The following TENM1 variants were observed in gnomAD, a reference collection of about 807,000 sequenced individuals.
TENM1 encodes the protein teneurin-1.
Under a neutral mutation model 174.8 loss-of-function variants are expected in TENM1, and 35 were observed. The observed-to-expected ratio is 0.20, with a 90% CI of 0.15 to 0.27. The LOEUF (loss-of-function observed/expected upper bound fraction) is 0.27. Ranked by LOEUF, TENM1 falls within the 10% of genes least tolerant of loss-of-function variation. TENM1 has a pLI of 1.00. For synonymous variants in TENM1, 781 were observed against 798.7 expected, an observed-to-expected ratio of 0.98 and a Z score of 0.37; for missense variants, 1,633 against 2,130.1, an observed-to-expected ratio of 0.77 and a Z score of 4.59.
At chrX:124,380,757 G>C (rs751406733) in exon 32 of TENM1, 1 of 1,211,003 alleles carries the variant, frequency 8.3e-7, no homozygotes, top group Non-Finnish European at 1.1e-6. Flanking sequence ...GCCACTGCGC[G>C]CTGTCTGGCA....
the TENM1 span, among the ~76,000 whole-genome samples, chrX:125,159,725 G>A: frequency 8.9e-6 from 1 of 111,836 alleles, no homozygotes; most frequent in Non-Finnish European, 1.9e-5. Context: ...ACCAGACTCT[G>A]TTATTGGTCT....
chrX:124,979,948 A>G, the TENM1 span, among the ~76,000 whole-genome samples: 15 of 112,191 alleles, frequency 1.3e-4, no homozygotes, highest in African/African-American at 4.5e-4. Context: ...ATATCTAAAG[A>G]TATTAAAGAT....
At chrX:124,960,855 T>C (rs780956241) in intron 1 of TENM1, among the ~76,000 whole-genome samples, 12 of 112,011 alleles carry the variant, frequency 1.1e-4, no homozygotes, top group African/African-American at 2.9e-4. Context: ...AACATTTCCA[T>C]AGGAAATAAT....
At chrX:124,458,103 C>A (rs1210036701) in intron 22 of TENM1, among the ~76,000 whole-genome samples, 3 of 111,752 alleles carry the variant, frequency 2.7e-5, no homozygotes, top group Non-Finnish European at 5.6e-5. Flanking sequence ...GTAACTGATT[C>A]AAAAATGTTC....
the TENM1 span, among the ~76,000 whole-genome samples, chrX:125,016,279 G>C: frequency 9.0e-6 from 1 of 111,228 alleles, no homozygotes; most frequent in Non-Finnish European, 1.9e-5. Context: ...AATTGTCTCT[G>C]TTTGCAGATG....
the TENM1 span, among the ~76,000 whole-genome samples, chrX:125,137,165 C>T: frequency 1.8e-5 from 2 of 110,870 alleles, no homozygotes; most frequent in Admixed American, 9.7e-5. Context: ...AATGAGATAA[C>T]GTATATAAAG....
intron 3 of TENM1, among the ~76,000 whole-genome samples, chrX:124,752,213 G>T (rs991162741): frequency 3.6e-5 from 4 of 110,720 alleles, no homozygotes; most frequent in African/African-American, 1.3e-4. Flanking sequence ...ATCTCATTGT[G>T]GTTTTGATTT....
the TENM1 span, among the ~76,000 whole-genome samples, chrX:125,160,388 C>T: frequency 2.0e-5 from 2 of 102,401 alleles, no homozygotes; most frequent in Admixed American, 2.1e-4. Context: ...ATTAGCTGGG[C>T]GTGGTAGCGC....
At chrX:125,127,364 G>A in the TENM1 span, among the ~76,000 whole-genome samples, 1 of 111,199 alleles carries the variant, frequency 9.0e-6, no homozygotes, top group African/African-American at 3.3e-5. Flanking sequence ...GCTTCAAGAA[G>A]GCTGAATTAA....
intron 6 of TENM1, among the ~76,000 whole-genome samples, chrX:124,660,984 G>C (rs1380118990): frequency 8.9e-6 from 1 of 111,857 alleles, no homozygotes; most frequent in Admixed American, 9.4e-5. Context: ...ATCCACAAAA[G>C]ATCTATCAAC....
intron 11 of TENM1, among the ~76,000 whole-genome samples, chrX:124,624,942 A>C (rs1351899149): frequency 8.9e-6 from 1 of 111,982 alleles, no homozygotes; most frequent in Non-Finnish European, 1.9e-5. Flanking sequence ...TCATTTCCTC[A>C]TCTACAAAAT....
the TENM1 span, among the ~76,000 whole-genome samples, chrX:125,091,281 T>C: frequency 8.9e-6 from 1 of 111,837 alleles, no homozygotes; most frequent in Non-Finnish European, 1.9e-5. Flanking sequence ...AGGGAGTTCA[T>C]GCTTGATGAC....
At chrX:124,681,030 A>G (rs190077014) in intron 5 of TENM1, among the ~76,000 whole-genome samples, 1 of 112,083 alleles carries the variant, frequency 8.9e-6, no homozygotes, top group East Asian at 2.8e-4. Flanking sequence ...TAAATTTTTA[A>G]AATAGAAATG....
At chrX:125,139,898 T>TGA in the TENM1 span, among the ~76,000 whole-genome samples, 1 of 72,243 alleles carries the variant, frequency 1.4e-5, no homozygotes, top group East Asian at 4.2e-4. Flanking sequence ...AGACAGAGAA[T>TGA]GAGAGAGAGA....
the TENM1 span, among the ~76,000 whole-genome samples, chrX:125,060,230 T>C: frequency 9.2e-6 from 1 of 109,258 alleles, no homozygotes; most frequent in Non-Finnish European, 1.9e-5. Flanking sequence ...TTGTTCTATT[T>C]CTCTGTAGAA....
the TENM1 span, among the ~76,000 whole-genome samples, chrX:125,178,075 A>T: frequency 1.8e-5 from 2 of 111,397 alleles, no homozygotes; most frequent in East Asian, 5.6e-4. Context: ...CCTATCCACA[A>T]ATTACAAGTA....
At chrX:124,769,468 G>A (rs2054606319) in intron 3 of TENM1, among the ~76,000 whole-genome samples, 1 of 111,715 alleles carries the variant, frequency 9.0e-6, no homozygotes, top group Admixed American at 9.6e-5. Flanking sequence ...CAGTATACAA[G>A]CTTCGTATGG....
the TENM1 span, among the ~76,000 whole-genome samples, chrX:125,000,900 C>T: frequency 9.0e-6 from 1 of 111,149 alleles, no homozygotes; most frequent in East Asian, 2.8e-4. Flanking sequence ...ATACAATTTA[C>T]TTTGAATTGA....
At chrX:124,467,000 A>G (rs1163896733) in intron 22 of TENM1, among the ~76,000 whole-genome samples, 1 of 111,389 alleles carries the variant, frequency 9.0e-6, no homozygotes, top group Non-Finnish European at 1.9e-5. Context: ...AAAATGAGAA[A>G]TAATTCCTGC....
Sources: gnomAD v4.1 joint callset for allele counts (sites outside exome capture counted in the v4.1 genomes callset) on GRCh38, gnomAD v4.1.1 for gene constraint, MANE v1.5 for transcripts, NCBI Gene and HGNC (gene_info 2026-07-23, HGNC 2026-07-21) for gene names.